Variants in DDAH1 observed in about 807,000 individuals in gnomAD.
DDAH1 encodes the protein dimethylarginine dimethylaminohydrolase 1.
DDAH1 carries 19 observed loss-of-function variants against 28.8 expected under a neutral mutation model. The observed-to-expected ratio is 0.66, with a 90% CI of 0.46 to 0.97. The LOEUF (loss-of-function observed/expected upper bound fraction) is 0.97. DDAH1 is among the 50% of genes least tolerant of loss of function. The pLI, the probability that DDAH1 is intolerant of heterozygous loss-of-function variation, is 0.00. For synonymous variants in DDAH1, 153 were observed against 154.4 expected (o/e 0.99, Z 0.07); for missense variants, 326 against 375.9 (o/e 0.87, Z 1.10).
At chr1:85,476,180 G>A (rs184879035) in intron 2 of DDAH1, among the ~76,000 whole-genome samples, 93 of 152,212 alleles carry the variant, frequency 6.1e-4, no homozygotes, top group African/African-American at 1.6e-3. Context: ...GTTGTTACAC[G>A]CTTCTTTATT....
intron 1 of DDAH1, among the ~76,000 whole-genome samples, chr1:85,447,199 C>T (rs1162624092): frequency 6.6e-6 from 1 of 152,204 alleles, no homozygotes; most frequent in South Asian, 2.1e-4. Flanking sequence ...ATCTTGGCCT[C>T]TGAAGCTACA....
chr1:85,380,704 T>C (rs1650938597), intron 1 of DDAH1: 2 of 152,284 alleles, frequency 1.3e-5, no homozygotes, highest in Non-Finnish European at 2.9e-5. Context: ...CCTGAACTTA[T>C]TTGGTAGTAA....
At chr1:85,445,016 C>T (rs1390750528) in intron 1 of DDAH1, among the ~76,000 whole-genome samples, 5 of 152,282 alleles carry the variant, frequency 3.3e-5, no homozygotes, top group East Asian at 1.9e-4. Context: ...GGAAGCATCG[C>T]GCACAGGAGA....
At chr1:85,408,306 T>A (rs916983822) in intron 1 of DDAH1, among the ~76,000 whole-genome samples, 6 of 142,366 alleles carry the variant, frequency 4.2e-5, no homozygotes, top group East Asian at 4.1e-4. Flanking sequence ...TTTTTTTTTT[T>A]ATCTTTTTGT....
chr1:85,371,432 G>A (rs1256115533), intron 1 of DDAH1, among the ~76,000 whole-genome samples: 1 of 152,196 alleles, frequency 6.6e-6, no homozygotes, highest in East Asian at 1.9e-4. Flanking sequence ...TGAGGCTGCA[G>A]TGCACTATGT....
chr1:85,354,539 G>T (rs945589275), intron 2 of DDAH1, among the ~76,000 whole-genome samples: 5 of 151,852 alleles, frequency 3.3e-5, no homozygotes, highest in Non-Finnish European at 7.4e-5. Flanking sequence ...TCAAGTATTT[G>T]GTCTACTTGA....
chr1:85,419,669 T>A (rs907498552), intron 1 of DDAH1, among the ~76,000 whole-genome samples: 2 of 152,030 alleles, frequency 1.3e-5, no homozygotes, highest in African/African-American at 4.8e-5. Flanking sequence ...TGCAAATGCA[T>A]TCCCCTATTA....
At chr1:85,367,822 G>C (rs909435416) in intron 1 of DDAH1, among the ~76,000 whole-genome samples, 28 of 152,176 alleles carry the variant, frequency 1.8e-4, no homozygotes, top group African/African-American at 6.3e-4. Context: ...AGGGCAGAGA[G>C]AGGGAAGCAA....
chr1:85,555,128 C>G (rs1198519414), intron 1 of DDAH1, among the ~76,000 whole-genome samples: 1 of 152,230 alleles, frequency 6.6e-6, no homozygotes, highest in Non-Finnish European at 1.5e-5. Context: ...TTAAATGCTT[C>G]TTGGTGCCTG....
intron 2 of DDAH1, among the ~76,000 whole-genome samples, chr1:85,354,305 C>A (rs1341505738): frequency 6.6e-6 from 1 of 151,966 alleles, no homozygotes; most frequent in Non-Finnish European, 1.5e-5. Context: ...TTTCAGTAAG[C>A]AGGCAGTTTC....
chr1:85,322,542 G>A (rs1478164939), intron 5 of DDAH1, among the ~76,000 whole-genome samples: 1 of 152,188 alleles, frequency 6.6e-6, no homozygotes, highest in African/African-American at 2.4e-5. Context: ...CAGCACAGTG[G>A]TTAATTAAGA....
At chr1:85,534,339 G>A (rs1487424974) in intron 1 of DDAH1, among the ~76,000 whole-genome samples, 2 of 152,196 alleles carry the variant, frequency 1.3e-5, no homozygotes, top group African/African-American at 4.8e-5. Flanking sequence ...TCACCATGAG[G>A]ATAGGAGAAA....
chr1:85,335,772 G>C (rs980680574), intron 4 of DDAH1, among the ~76,000 whole-genome samples: 3 of 151,800 alleles, frequency 2.0e-5, no homozygotes, highest in Non-Finnish European at 4.4e-5. Flanking sequence ...GACCAGCCTA[G>C]GCAACATGGT....
intron 1 of DDAH1, among the ~76,000 whole-genome samples, chr1:85,423,980 A>G (rs1033938047): frequency 6.6e-6 from 1 of 152,134 alleles, no homozygotes; most frequent in Non-Finnish European, 1.5e-5. Flanking sequence ...ATATCATCAC[A>G]TATCTTTTCT....
chr1:85,433,894 G>T (rs1253349688), intron 1 of DDAH1, among the ~76,000 whole-genome samples: 1 of 152,022 alleles, frequency 6.6e-6, no homozygotes, highest in Non-Finnish European at 1.5e-5. Context: ...CTTGATATTT[G>T]ATTTTGTAGA....
At chr1:85,373,934 G>A (rs1650522023) in intron 1 of DDAH1, among the ~76,000 whole-genome samples, 1 of 151,884 alleles carries the variant, frequency 6.6e-6, no homozygotes, top group South Asian at 2.1e-4. Context: ...AATGGTTGAT[G>A]TGACACTGGT....
At chr1:85,473,364 T>C (rs1655683283) in intron 2 of DDAH1, among the ~76,000 whole-genome samples, 1 of 152,160 alleles carries the variant, frequency 6.6e-6, no homozygotes, top group African/African-American at 2.4e-5. Flanking sequence ...ATATTCAATA[T>C]ATATTTATGG....
At chr1:85,330,522 T>G (rs1198581350) in intron 4 of DDAH1, among the ~76,000 whole-genome samples, 1 of 152,160 alleles carries the variant, frequency 6.6e-6, no homozygotes, top group African/African-American at 2.4e-5. Flanking sequence ...CAAGCCAGAA[T>G]GGAAAGGAGA....
At chr1:85,483,735 C>T (rs1389080119) in intron 2 of DDAH1, among the ~76,000 whole-genome samples, 2 of 152,160 alleles carry the variant, frequency 1.3e-5, no homozygotes, top group African/African-American at 4.8e-5. Context: ...GAATTGCAGA[C>T]CACGGATCGC....
Sources: gnomAD v4.1 joint callset for allele counts (sites outside exome capture counted in the v4.1 genomes callset) on GRCh38, gnomAD v4.1.1 for gene constraint, MANE v1.5 for transcripts, NCBI Gene and HGNC (gene_info 2026-07-23, HGNC 2026-07-21) for gene names.